CNTNAP4: variants seen among roughly 807,000 people sequenced by gnomAD.
CNTNAP4 encodes contactin associated protein family member 4, also known as contactin-associated protein-like 4.
Under a neutral mutation model 148.4 loss-of-function variants are expected in CNTNAP4, and 98 were observed. That is an observed-to-expected ratio of 0.66 (90% confidence interval 0.56 to 0.78). CNTNAP4 has a LOEUF of 0.78. Among genes scored for constraint, CNTNAP4 ranks in the 30% least tolerant of loss-of-function variants. The pLI is 0.00. For synonymous variants in CNTNAP4, 730 were observed against 565.1 expected, an observed-to-expected ratio of 1.29 and a Z score of -4.14; for missense variants, 1,935 against 1,565.6, an observed-to-expected ratio of 1.24 and a Z score of -3.98.
rs192161845 is a variant in CNTNAP4 at position 76,299,069 on chromosome 16, A to C, written c.86-17344A>C. 6.6e-5 allele frequency among the ~76,000 whole-genome samples: 10 copies of C among 152,222 alleles called. No individual in the cohort carries two copies. In the East Asian group the frequency reaches 1.2e-3, roughly 18 times the overall value. On this transcript the variant is annotated intron_variant, in intron 1 of 23. Transcript: ENST00000611870. ...AGAAGAAAACCTAGGCAGTACTACT[A>C]TTCAGGACATAGGCATGGGCAAGGA...
chr16:76,301,782 G>A (rs1959996590), intron 1 of CNTNAP4, among the ~76,000 whole-genome samples: 1 of 152,154 alleles, frequency 6.6e-6, no homozygotes, highest in South Asian at 2.1e-4. Context: ...GCTTAGGGAT[G>A]TTTATGGGTT....
chr16:76,338,569 C>T (rs879433529), intron 2 of CNTNAP4, among the ~76,000 whole-genome samples: 4 of 152,180 alleles, frequency 2.6e-5, no homozygotes, highest in Non-Finnish European at 5.9e-5. Flanking sequence ...CAGCAGTGCT[C>T]TCCACACCCT....
At chr16:76,451,181 C>T (rs150778771) in intron 7 of CNTNAP4, among the ~76,000 whole-genome samples, 66 of 152,236 alleles carry the variant, frequency 4.3e-4, no homozygotes, top group African/African-American at 1.5e-3. Context: ...GTGTGACCAC[C>T]CCTCATCGCA....
At chr16:76,327,929 C>T (rs956942914) in intron 2 of CNTNAP4, among the ~76,000 whole-genome samples, 12 of 152,182 alleles carry the variant, frequency 7.9e-5, no homozygotes, top group African/African-American at 2.9e-4. Context: ...TGTTTCACCC[C>T]TTCCTGCGTG....
chr16:76,553,509 A>C lies in CNTNAP4; in HGVS notation c.3661+8A>C, dbSNP rs1180839652. 6.3e-7 allele frequency: 1 copy of C among 1,594,764 alleles called. No individual in the cohort carries two copies. The highest frequency in any genetic ancestry group is 1.7e-5 in the Admixed American group (1 of 58,880). On this transcript the variant is annotated splice_region_variant and intron_variant, in intron 22 of 23. Transcript: ENST00000611870. Reference sequence around the variant, plus strand: ...GGACACACTCGTTTGCAGGTGACTTAGAGTTCTTCCTCTACTCAGTCACAG... The same window carrying C: ...GGACACACTCGTTTGCAGGTGACTTCGAGTTCTTCCTCTACTCAGTCACAG...
intron 17 of CNTNAP4, among the ~76,000 whole-genome samples, chr16:76,532,609 T>C (rs2084033596): frequency 6.6e-6 from 1 of 152,182 alleles, no homozygotes. Context: ...TACCATGATT[T>C]AATGTGGGAT....
intron 7 of CNTNAP4, 143 bp downstream of exon 7, chr16:76,450,001 T>A: frequency 1.6e-6 from 1 of 638,410 alleles, no homozygotes; most frequent in South Asian, 2.3e-5. Context: ...GCAATATGCA[T>A]ATAAAAGATT....
intron 1 of CNTNAP4, among the ~76,000 whole-genome samples, chr16:76,295,634 C>G (rs1959222002): frequency 6.6e-6 from 1 of 152,090 alleles, no homozygotes; most frequent in Admixed American, 6.6e-5. Context: ...CAGAGTTGTT[C>G]CACATGAGCA....
At position 76,467,403 on chromosome 16, in the gene CNTNAP4, T is replaced by A. The variant is rs2081211495; in HGVS notation, c.1535T>A (p.Phe512Tyr). 1 of 1,613,932 alleles carries A rather than the reference T, an allele frequency of 6.2e-7. No individual in the cohort carries two copies. The highest frequency in any genetic ancestry group is 1.3e-5 in the African/African-American group (1 of 75,042). ...AAATGTAAAAGTCCACTTGGTGGATTTCAGGGATGTATGAGGCTCATTTCT... is the reference window on the plus strand; with the variant it reads ...AAATGTAAAAGTCCACTTGGTGGATATCAGGGATGTATGAGGCTCATTTCT... ...GSKCKSPLGG[F>Y]QGCMRLISIS... Residue 512 changes from phenylalanine to tyrosine, a missense_variant, in exon 10 of 24, where the codon TTT (phenylalanine) becomes TAT (tyrosine). Coordinates refer to ENST00000611870, the MANE Select transcript of CNTNAP4 (RefSeq NM_033401.5).
chr16:76,339,612 T>C (rs868235102), intron 2 of CNTNAP4, among the ~76,000 whole-genome samples: 6 of 152,214 alleles, frequency 3.9e-5, no homozygotes, highest in African/African-American at 7.2e-5. Flanking sequence ...CTTTGCTCAT[T>C]ACAAAGGTCT....
intron 15 of CNTNAP4, among the ~76,000 whole-genome samples, chr16:76,499,130 C>T (rs533828368): frequency 5.6e-4 from 82 of 146,946 alleles, no homozygotes; most frequent in East Asian, 1.0e-3. Flanking sequence ...TGCAGTGGCG[C>T]GATGTTGGCT....
chr16:76,369,314 A>G (rs1327840389), intron 3 of CNTNAP4, among the ~76,000 whole-genome samples: 1 of 152,196 alleles, frequency 6.6e-6, no homozygotes, highest in Non-Finnish European at 1.5e-5. Context: ...CACCCATGGT[A>G]TTATGGTTAC....
intron 3 of CNTNAP4, among the ~76,000 whole-genome samples, chr16:76,385,514 C>A (rs189511235): frequency 3.2e-4 from 48 of 151,434 alleles, no homozygotes; most frequent in African/African-American, 1.1e-3. Context: ...AGTCTTTTCT[C>A]ATATTTATAC....
chr16:76,498,325 G>A (rs1049907883), intron 14 of CNTNAP4, among the ~76,000 whole-genome samples: 5 of 152,190 alleles, frequency 3.3e-5, no homozygotes, highest in African/African-American at 9.7e-5. Flanking sequence ...CCAGAAAGAG[G>A]AGGTTGCATT....
At chr16:76,379,840 G>A (rs1187811109) in intron 3 of CNTNAP4, among the ~76,000 whole-genome samples, 1 of 152,086 alleles carries the variant, frequency 6.6e-6, no homozygotes, top group African/African-American at 2.4e-5. Flanking sequence ...CTTGCTTCCT[G>A]TTCTGTTCCT....
intron 12 of CNTNAP4, 137 bp downstream of exon 12, chr16:76,479,675 C>A: frequency 1.2e-6 from 1 of 828,726 alleles, no homozygotes; most frequent in Non-Finnish European, 1.8e-6. Flanking sequence ...AAAAACTGAA[C>A]ATAAATCTTA....
At position 76,448,745 on chromosome 16, in the gene CNTNAP4, GTTA is replaced by G. The variant is rs368974338; in HGVS notation, c.743-19_743-17del. 1 of 1,539,834 alleles carries G rather than the reference GTTA, an allele frequency of 6.5e-7. No homozygotes were observed. Among genetic ancestry groups the G allele is most frequent in the African/African-American group, 1.4e-5 (1 of 71,642 alleles). On this transcript the variant is annotated intron_variant, in intron 5 of 23. Transcript: ENST00000611870. ...TCTTTAGACTGGCAATAATGGTGCT[GTTA>G]TTTTTCTCCTCTTCTAAGGTGAAGC...
intron 3 of CNTNAP4, among the ~76,000 whole-genome samples, chr16:76,426,416 T>G (rs1023092616): frequency 6.6e-6 from 1 of 152,092 alleles, no homozygotes; most frequent in Non-Finnish European, 1.5e-5. Flanking sequence ...TGTAGTTGCA[T>G]GTCCCCTTAT....
At chr16:76,309,700 C>T (rs1430483077) in intron 1 of CNTNAP4, among the ~76,000 whole-genome samples, 1 of 152,046 alleles carries the variant, frequency 6.6e-6, no homozygotes, top group Non-Finnish European at 1.5e-5. Context: ...TCCCAGAATT[C>T]CCACGTGTTG....
Sources: gnomAD v4.1 joint callset for allele counts (sites outside exome capture counted in the v4.1 genomes callset) on GRCh38, gnomAD v4.1.1 for gene constraint, MANE v1.5 for transcripts, NCBI Gene and HGNC (gene_info 2026-07-23, HGNC 2026-07-21) for gene names.